The following WDR59 variants were observed in gnomAD, a reference collection of about 807,000 sequenced individuals.
WDR59 encodes the protein GATOR2 complex protein WDR59.
A neutral mutation model predicts 131.2 loss-of-function variants in WDR59; 100 were observed. The ratio of observed to expected loss-of-function variants is 0.76; its 90% CI spans 0.65 to 0.90. WDR59 has a LOEUF of 0.90. WDR59 is among the 40% of genes least tolerant of loss of function. The pLI is 0.00. For synonymous variants in WDR59, 601 were observed against 466.2 expected (o/e 1.29, Z -3.72); for missense variants, 1,203 against 1,262.2 (o/e 0.95, Z 0.71).
rs1368035357 is a variant in WDR59, at chr16:74,918,724, C to T, written c.887-716G>A. Among the ~76,000 whole-genome samples, 3 of 152,284 alleles carry T rather than the reference C, an allele frequency of 2.0e-5. No homozygotes were observed. In the East Asian group the frequency reaches 5.8e-4, roughly 29 times the overall value. On this transcript the variant is annotated intron_variant, in intron 10 of 25. Coordinates refer to ENST00000262144, the MANE Select transcript of WDR59 (RefSeq NM_030581.4). ...TATCTAGAATCTCCTTCATGGCCAC[C>T]TTCAGAGAGCAAAGATTTTAGAAAT...
chr16:74,882,746 G>T (rs938537122), intron 25 of WDR59, among the ~76,000 whole-genome samples: 1 of 142,230 alleles, frequency 7.0e-6, no homozygotes, highest in African/African-American at 2.6e-5. Context: ...GGAGGCAGAG[G>T]TTGCAGTGAG....
rs189502576 is a variant in WDR59 at position 74,876,337 on chromosome 16, A to T, written c.2690-1893T>A. ...ATGTACAAACTTTGGTTATGTTCTC[A>T]TGAAAAGCCTAATTAGTTGAAAACT... On this transcript the variant is annotated intron_variant, in intron 25 of 25. Transcript: ENST00000262144. 1.2e-4 allele frequency among the ~76,000 whole-genome samples: 19 copies of T among 152,364 alleles called. No individual in the cohort carries two copies. In the East Asian group the frequency reaches 3.7e-3, roughly 29 times the overall value.
chr16:74,959,379 A>G, intron 2 of WDR59: 1 of 315,586 alleles, frequency 3.2e-6, no homozygotes, highest in South Asian at 2.4e-5. Flanking sequence ...ACCCACTTAA[A>G]GAGAGATGCC....
chr16:74,893,609 CAAA>C (rs10718591), intron 19 of WDR59, 67 bp downstream of exon 19: 131 of 1,263,504 alleles, frequency 1.0e-4, no homozygotes, highest in South Asian at 3.6e-4. Flanking sequence ...TTCCCACACT[CAAA>C]AAAAAAAAAA....
At chr16:74,917,320 T>C (rs1966438634) in intron 11 of WDR59, among the ~76,000 whole-genome samples, 2 of 152,334 alleles carry the variant, frequency 1.3e-5, no homozygotes, top group East Asian at 3.9e-4. Context: ...TTAGCCCATT[T>C]AGAAGAGAAA....
chr16:74,956,757 A>C, intron 2 of WDR59, 147 bp from the exon 3 acceptor site: 1 of 1,034,746 alleles, frequency 9.7e-7, no homozygotes, highest in Non-Finnish European at 1.4e-6. Context: ...TCTGAAAGGC[A>C]AAGAAGTGAC....
chr16:74,925,166 T>TA (rs2030651075), intron 8 of WDR59, among the ~76,000 whole-genome samples: 1 of 152,150 alleles, frequency 6.6e-6, no homozygotes, highest in Admixed American at 6.5e-5. Flanking sequence ...AAAAAGTCTA[T>TA]GCATTATTAA....
At position 74,888,158 on chromosome 16, in the gene WDR59, G is replaced by A; in HGVS notation, c.2346+11C>T. ...AAAAAATCAGACAAAACCAGAAAAG[G>A]ACAAACTTACATATCGACTATGGGA... is the stretch of plus-strand genomic sequence containing the variant. On this transcript the variant is annotated intron_variant, in intron 22 of 25. Coordinates refer to ENST00000262144, the MANE Select transcript of WDR59 (RefSeq NM_030581.4). The A allele has an allele frequency of 6.4e-7, 1 of 1,563,424 alleles. No homozygotes were observed. The highest frequency in any genetic ancestry group is 1.4e-5 in the African/African-American group (1 of 71,458).
chr16:74,896,135 A>G (rs759847632), intron 18 of WDR59, among the ~76,000 whole-genome samples: 2 of 152,212 alleles, frequency 1.3e-5, no homozygotes, highest in South Asian at 4.1e-4. Context: ...AGAATGGAAT[A>G]TGATCCATCT....
intron 3 of WDR59, among the ~76,000 whole-genome samples, 199 bp downstream of exon 3, chr16:74,956,276 C>T (rs2033284502): frequency 6.6e-6 from 1 of 152,160 alleles, no homozygotes; most frequent in Non-Finnish European, 1.5e-5. Context: ...TAATACAAGG[C>T]CTGACACCGA....
intron 17 of WDR59, among the ~76,000 whole-genome samples, chr16:74,905,378 A>G (rs1454540134): frequency 6.6e-6 from 1 of 151,764 alleles, no homozygotes; most frequent in Non-Finnish European, 1.5e-5. Flanking sequence ...TCCGTCTCAA[A>G]AAATAAAAAA....
chr16:74,903,854 G>A (rs1346922650), intron 18 of WDR59, 93 bp downstream of exon 18: 54 of 1,423,304 alleles, frequency 3.8e-5, no homozygotes, highest in African/African-American at 2.9e-5. Flanking sequence ...GCTACAGGGT[G>A]ATTACTAATC....
intron 11 of WDR59, among the ~76,000 whole-genome samples, chr16:74,916,634 G>A (rs967366920): frequency 6.6e-6 from 1 of 152,136 alleles, no homozygotes; most frequent in African/African-American, 2.4e-5. Context: ...CGAGGCAGGT[G>A]GATCACCTGA....
rs372896695 is a variant in WDR59, at chr16:74,885,646, T to A, written c.2689+7A>T. ...AGTGAAAGGAAGAGAGAGAAATTCATACTCACCGATCCCTTTGTGAGGGTC... is the reference window on the plus strand; with the variant it reads ...AGTGAAAGGAAGAGAGAGAAATTCAAACTCACCGATCCCTTTGTGAGGGTC... On this transcript the variant is annotated splice_region_variant and intron_variant, in intron 25 of 25. Transcript: ENST00000262144. The A allele has an allele frequency of 4.5e-5, 72 of 1,613,340 alleles. No individual in the cohort carries two copies. The highest frequency in any genetic ancestry group is 3.3e-4 in the Middle Eastern group (2 of 6,054).
intron 1 of WDR59, among the ~76,000 whole-genome samples, chr16:74,977,257 T>A (rs1464857268): frequency 1.3e-5 from 2 of 151,658 alleles, no homozygotes; most frequent in Admixed American, 1.3e-4. Context: ...AAATTTTAAT[T>A]TAAATTAAAA....
In WDR59 at chr16:74,886,391, T is replaced by C; in HGVS notation, c.2425A>G (p.Arg809Gly). 1 of 1,612,226 alleles carries C rather than the reference T, an allele frequency of 6.2e-7. No homozygotes were observed. Among genetic ancestry groups the C allele is most frequent in the Non-Finnish European group, 8.5e-7 (1 of 1,179,602 alleles). ...LNTGGWNIAG[R>G]EAEHLSSPWG... Reference sequence around the variant, plus strand: ...GGGGAGGACAAGTGCTCTGCCTCTCTTCCCGCTGAAGAAAATCAAATGGGA... The same window carrying C: ...GGGGAGGACAAGTGCTCTGCCTCTCCTCCCGCTGAAGAAAATCAAATGGGA... Residue 809 changes from arginine (R) to glycine (G), a missense_variant, in exon 24 of 26, where the codon AGA becomes GGA. By Grantham distance (125) the Arg-to-Gly change is moderately radical. Transcript: ENST00000262144.
rs1013565392 is a variant in WDR59, at chr16:74,948,309, A to G, written c.445+210T>C. 3.9e-5 allele frequency among the ~76,000 whole-genome samples: 6 copies of G among 152,216 alleles called. No homozygotes were observed. In the East Asian group the frequency reaches 9.6e-4, roughly 24 times the overall value. ...GATATGAGGTCCTGCTCCACACCCA[A>G]CAGTCCTAACTGTGGCTTCTGGGAG... On this transcript the variant is annotated intron_variant, in intron 6 of 25. Transcript: ENST00000262144.
In WDR59 at chr16:74,939,003, C is replaced by CA. The variant is rs547600801; in HGVS notation, c.535-738dup. Among the ~76,000 whole-genome samples the CA allele has an allele frequency of 1.9e-3, 285 of 148,098 alleles. 3 individuals carry two copies. Among genetic ancestry groups the CA allele is most frequent in the East Asian group, 8.8e-3 (44 of 4,988 alleles). On this transcript the variant is annotated intron_variant, in intron 7 of 25. Transcript: ENST00000262144. The stretch of plus-strand genomic sequence containing the variant: ...TCCAAAGGAGAATGAATGTACATCA[C>CA]AAAAAAAAACAATACATGATTAATA...
chr16:74,973,343 C>A (rs1334335107), intron 1 of WDR59, among the ~76,000 whole-genome samples: 1 of 152,162 alleles, frequency 6.6e-6, no homozygotes, highest in African/African-American at 2.4e-5. Context: ...TCCATCACCC[C>A]AGCTGGAGCA....
Sources: gnomAD v4.1 joint callset for allele counts (sites outside exome capture counted in the v4.1 genomes callset) on GRCh38, gnomAD v4.1.1 for gene constraint, MANE v1.5 for transcripts, NCBI Gene and HGNC (gene_info 2026-07-23, HGNC 2026-07-21) for gene names.